Variants in PATZ1 observed in about 807,000 individuals in gnomAD.
The protein encoded by PATZ1 is POZ/BTB and AT hook containing zinc finger 1.
In PATZ1, 9 loss-of-function variants were observed where a neutral mutation model predicts 46.2. The ratio of observed to expected loss-of-function variants is 0.19; its 90% CI spans 0.12 to 0.34. The LOEUF (loss-of-function observed/expected upper bound fraction) is 0.34. Ranked by LOEUF, PATZ1 falls within the 10% of genes least tolerant of loss-of-function variation. PATZ1 has a pLI of 1.00. For missense variants in PATZ1, 632 were observed against 923.0 expected (o/e 0.68, Z 4.08); for synonymous variants, 426 against 378.6 (o/e 1.13, Z -1.45).
chr22:31,345,038 TGTCCAAAGGGAAGCCCAA>T lies in PATZ1; in HGVS notation c.547_564del (p.Leu183_Asp188del). ...GCTGCCAAGGCTGCCCCGTTGGTCA[TGTCCAAAGGGAAGCCCAA>T]GTCCGAGGTCCCAGGGGGGCGAAAG... On this transcript the variant is annotated inframe_deletion, in exon 1 of 5. Transcript: ENST00000266269. This position sits in a 1 kb window ranked among gnomAD's most constrained non-coding sequence, Gnocchi z 7.4. 1 of 1,614,158 alleles carries T rather than the reference TGTCCAAAGGGAAGCCCAA, an allele frequency of 6.2e-7. No homozygotes were observed. Among genetic ancestry groups the T allele is most frequent in the Non-Finnish European group, 8.5e-7 (1 of 1,180,028 alleles).
At position 31,344,913 on chromosome 22, in the gene PATZ1, A is replaced by C; in HGVS notation, c.690T>G (p.Pro230=). ...CCACCATGGGCAAGCGGTCCACCCC[A>C]GGTAACACAGGCAAAGAGGCTTGGC... is the stretch of plus-strand genomic sequence containing the variant. ...IAGQASLPVL[P]GVDRLPMVAG... The change falls in exon 1 of 5, where the codon CCT becomes CCG. Residue 230 remains proline, a synonymous_variant. Transcript: ENST00000266269. 2 of 1,613,438 alleles carry C rather than the reference A, an allele frequency of 1.2e-6. No individual in the cohort carries two copies. Among genetic ancestry groups the C allele is most frequent in the Non-Finnish European group, 1.7e-6 (2 of 1,180,002 alleles).
chr22:31,343,077 TC>T, intron 1 of PATZ1, 117 bp from the exon 2 acceptor site: 1 of 1,503,346 alleles, frequency 6.7e-7, no homozygotes, highest in South Asian at 1.3e-5. Flanking sequence ...GGACTCCCTC[TC>T]CCCAACCCCA....
intron 1 of PATZ1, chr22:31,343,598 C>A (rs1388950476): frequency 4.5e-6 from 1 of 220,694 alleles, no homozygotes; most frequent in Non-Finnish European, 7.7e-6. Context: ...TAAAACCGGC[C>A]TTTTAGGAGA....
rs1255713567 is a variant in PATZ1 at position 31,328,971 on chromosome 22, C to T, written c.1508-47G>A. 1.3e-6 allele frequency: 2 copies of T among 1,485,976 alleles called. No individual in the cohort carries two copies. Among genetic ancestry groups the T allele is most frequent in the Admixed American group, 4.1e-5 (2 of 48,266 alleles). The allele number at this position is 1,485,976 out of a possible 1,614,324, so 92.0% of individuals were successfully genotyped here. A position where few individuals can be genotyped will look rare whatever the true frequency, so the allele number is the denominator to read the frequency against. ...GAGATCCCGCGGCCAGCAAGAGATA[C>T]CTCTCTCCTTCCCCCAACTCCTCTC... On this transcript the variant is annotated intron_variant, in intron 3 of 4. Coordinates refer to ENST00000266269, the MANE Select transcript of PATZ1 (RefSeq NM_014323.3). This position sits in a 1 kb window ranked among gnomAD's most constrained non-coding sequence, Gnocchi z 4.8.
chr22:31,342,081 T>C (rs901233480), intron 2 of PATZ1, among the ~76,000 whole-genome samples: 2 of 152,042 alleles, frequency 1.3e-5, no homozygotes, highest in African/African-American at 4.8e-5. Flanking sequence ...TGGCTCGCCC[T>C]CACTTGATGG....
rs2049376834 is a variant in PATZ1, at chr22:31,327,024, C to T, written c.1931G>A (p.Gly644Asp). 7 of 1,614,128 alleles carry T rather than the reference C, an allele frequency of 4.3e-6. No individual in the cohort carries two copies. Among genetic ancestry groups the T allele is most frequent in the Non-Finnish European group, 5.1e-6 (6 of 1,180,044 alleles). ...GPLGDLGPAL[G>D]SPFSPQQNMS... ...GTTCTGCTGAGGAGAGAAAGGTGAG[C>T]CAAGGGCAGGGCCCAGGTCCCCCAG... Residue 644 changes from glycine (G) to aspartate (D), a missense_variant, in exon 5 of 5, where the codon GGC (glycine) becomes GAC (aspartate). Around this residue, in one of 7 missense-constraint regions of PATZ1, gnomAD observed 176 missense variants for 249.4 expected, o/e 0.71. Coordinates refer to ENST00000266269, the MANE Select transcript of PATZ1 (RefSeq NM_014323.3). This position sits in a 1 kb window ranked among gnomAD's most constrained non-coding sequence, Gnocchi z 4.2.
intron 2 of PATZ1, chr22:31,341,686 G>C: frequency 6.2e-7 from 1 of 1,602,916 alleles, no homozygotes; most frequent in Non-Finnish European, 8.5e-7. Flanking sequence ...ACCCACACCT[G>C]GAAAAAGGGC....
At chr22:31,335,925 C>G (rs2049503632) in intron 2 of PATZ1, 62 bp from the exon 3 acceptor site, 10 of 1,490,210 alleles carry the variant, frequency 6.7e-6, no homozygotes, top group Non-Finnish European at 9.2e-6. Context: ...GACTCCCCAC[C>G]AAGTGCACCA....
intron 3 of PATZ1, among the ~76,000 whole-genome samples, chr22:31,334,308 A>T (rs1162203822): frequency 1.3e-5 from 2 of 152,158 alleles, no homozygotes; most frequent in African/African-American, 2.4e-5. Flanking sequence ...GGCTCTAATG[A>T]CATGTCAGAA....
At chr22:31,330,427 G>T (rs1183980277) in intron 3 of PATZ1, among the ~76,000 whole-genome samples, 1 of 152,152 alleles carries the variant, frequency 6.6e-6, no homozygotes, top group Admixed American at 6.5e-5. Flanking sequence ...AGCTGGGCGT[G>T]GTAGCAGGCA....
intron 2 of PATZ1, chr22:31,341,286 G>C: frequency 6.9e-7 from 1 of 1,445,730 alleles, no homozygotes; most frequent in South Asian, 1.7e-5. Context: ...AGTCACCCAG[G>C]GAGGAGCTGG....
At chr22:31,339,009 A>C (rs368499901) in intron 2 of PATZ1, among the ~76,000 whole-genome samples, 126 of 152,344 alleles carry the variant, frequency 8.3e-4, no homozygotes, top group South Asian at 2.7e-3. Context: ...CAAGAGGGAT[A>C]GGAAAGAGAT....
chr22:31,343,314 T>C, intron 1 of PATZ1: 1 of 1,035,966 alleles, frequency 9.7e-7, no homozygotes, highest in South Asian at 3.4e-5. Flanking sequence ...AGGGGATATG[T>C]GATTCATTGT....
chr22:31,345,315 G>A lies in PATZ1; in HGVS notation c.288C>T (p.Gly96=), dbSNP rs1205325826. ...CCAGCTCCCGGCTGCCCCCGGCCCCGCCGCCTGGTGCTGCCGTCGCGCCCC... is the reference window on the plus strand; with the variant it reads ...CCAGCTCCCGGCTGCCCCCGGCCCCACCGCCTGGTGCTGCCGTCGCGCCCC... The part of the protein sequence containing the change: ...DVGGATAAPG[G]GAGGSRELEM... Residue 96 remains glycine (G), a synonymous_variant, in exon 1 of 5, where the codon GGC becomes GGT. Coordinates refer to ENST00000266269, the MANE Select transcript of PATZ1 (RefSeq NM_014323.3). The surrounding 1 kb of genome is among the most constrained non-coding windows in gnomAD (Gnocchi z 7.4). The A allele has an allele frequency of 1.2e-6, 2 of 1,610,198 alleles. No individual in the cohort carries two copies. Among genetic ancestry groups the A allele is most frequent in the Admixed American group, 3.3e-5 (2 of 59,842 alleles).
intron 2 of PATZ1, chr22:31,340,753 G>C (rs2049570326): frequency 3.8e-6 from 4 of 1,052,860 alleles, no homozygotes; most frequent in Middle Eastern, 4.3e-4. Flanking sequence ...ACACCAATAA[G>C]GATCCGAGGG....
At position 31,340,759 on chromosome 22, in the gene PATZ1, G is replaced by A. The variant is rs114776736; in HGVS notation, c.1335+2138C>T. On this transcript the variant is annotated intron_variant, in intron 2 of 4. Transcript: ENST00000266269. ...CTAAAGGGCACACCAATAAGGATCCGAGGGAGGGGGTCTACATCTGCTTTT... is the reference window on the plus strand; with the variant it reads ...CTAAAGGGCACACCAATAAGGATCCAAGGGAGGGGGTCTACATCTGCTTTT... The A allele has an allele frequency of 4.1e-4, 427 of 1,053,878 alleles. 3 individuals are homozygous for A. In the African/African-American group the frequency reaches 6.5e-3, roughly 16 times the overall value. The allele number at this position is 1,053,878 out of a possible 1,614,324, so 65.3% of individuals were successfully genotyped here. A position where few individuals can be genotyped will look rare whatever the true frequency, so the allele number is the denominator to read the frequency against.
At chr22:31,342,494 G>A (rs1233626839) in intron 2 of PATZ1, among the ~76,000 whole-genome samples, 1 of 152,000 alleles carries the variant, frequency 6.6e-6, no homozygotes, top group East Asian at 1.9e-4. Context: ...GGACCACCAG[G>A]AGCCCTTTTA....
intron 2 of PATZ1, chr22:31,341,318 C>G: frequency 2.0e-6 from 3 of 1,495,290 alleles, no homozygotes; most frequent in Non-Finnish European, 2.7e-6. Flanking sequence ...AGGAACCACC[C>G]TGCTAGCCTC....
chr22:31,333,476 C>CTTTT (rs71319182), intron 3 of PATZ1, among the ~76,000 whole-genome samples: 31 of 128,718 alleles, frequency 2.4e-4, no homozygotes, highest in Middle Eastern at 3.7e-3. Context: ...TATCCTCTTC[C>CTTTT]TTTTTTTTTT....
Sources: allele counts gnomAD v4.1 joint callset (sites outside exome capture counted in the v4.1 genomes callset), GRCh38; gene constraint gnomAD v4.1.1; regional missense constraint gnomAD v4.1.1; non-coding constraint Gnocchi (gnomAD v3.1); transcripts MANE v1.5; gene names NCBI Gene and HGNC (gene_info 2026-07-23, HGNC 2026-07-21).